Variants in RER1 observed in about 807,000 individuals in gnomAD.
The protein encoded by RER1 is retention in endoplasmic reticulum sorting receptor 1, also known as protein RER1.
A neutral mutation model predicts 28.3 loss-of-function variants in RER1; 6 were observed. The ratio of observed to expected loss-of-function variants is 0.21; its 90% CI spans 0.12 to 0.42. The LOEUF (loss-of-function observed/expected upper bound fraction) is 0.42, where lower values mean the gene tolerates loss of function less well. Among genes scored for constraint, RER1 ranks in the 10% least tolerant of loss-of-function variants. The pLI, the probability that RER1 is intolerant of heterozygous loss-of-function variation, is 1.00. For missense variants in RER1, 159 were observed against 252.9 expected (o/e 0.63, Z 2.52); for synonymous variants, 110 against 95.9 (o/e 1.15, Z -0.86).
At chr1:2,395,897 T>C (rs1557901345) in intron 2 of RER1, 26 bp downstream of exon 2, 2 of 1,538,988 alleles carry the variant, frequency 1.3e-6, no homozygotes, top group African/African-American at 1.4e-5. Flanking sequence ...AGTAGATGAG[T>C]ATAAATATTT....
rs775404235 is a variant in RER1, at chr1:2,404,039, C to G, written c.*915C>G. 3 of 152,246 alleles carry G rather than the reference C, an allele frequency of 2.0e-5. No individual in the cohort carries two copies. Among genetic ancestry groups the G allele is most frequent in the Non-Finnish European group, 4.4e-5 (3 of 68,052 alleles). 9.4% of individuals were successfully genotyped at this position (152,246 alleles called of 1,614,324 possible). A position where few individuals can be genotyped will look rare whatever the true frequency, so the allele number is the denominator to read the frequency against. On this transcript the variant is annotated 3_prime_UTR_variant, in exon 7 of 7. Transcript: ENST00000605895. ...ATGGCAGTCGCTGGACACAGGAAAG[C>G]CCACCTTTTGTTTGGCCTTTTCGAA... is the stretch of plus-strand genomic sequence containing the variant.
intron 3 of RER1, among the ~76,000 whole-genome samples, chr1:2,399,155 C>T (rs1557902689): frequency 6.6e-6 from 1 of 152,212 alleles, no homozygotes; most frequent in Non-Finnish European, 1.5e-5. Flanking sequence ...TCACATGTGT[C>T]TAACTGGACC....
At chr1:2,400,603 T>G (rs970674958) in intron 4 of RER1, among the ~76,000 whole-genome samples, 1 of 152,348 alleles carries the variant, frequency 6.6e-6, no homozygotes, top group Middle Eastern at 3.4e-3. Context: ...TCCTGGATGT[T>G]TATATGTGGT....
chr1:2,395,999 C>T (rs1642762737), intron 2 of RER1, 128 bp downstream of exon 2: 1 of 739,462 alleles, frequency 1.4e-6, no homozygotes, highest in Non-Finnish European at 2.4e-6. Context: ...CTCAAACTTC[C>T]TGAAGACAGC....
intron 1 of RER1, chr1:2,395,384 C>A: frequency 4.1e-6 from 1 of 243,660 alleles, no homozygotes; most frequent in Non-Finnish European, 8.2e-6. Flanking sequence ...GGTGCCTGGG[C>A]GGGGGAACCC....
intron 3 of RER1, 65 bp downstream of exon 3, chr1:2,397,285 G>T: frequency 9.7e-7 from 1 of 1,033,366 alleles, no homozygotes; most frequent in African/African-American, 1.6e-5. Context: ...ATGTTTGTGG[G>T]GATGTTGTTG....
intron 5 of RER1, 182 bp from the exon 6 acceptor site, chr1:2,402,025 G>A (rs1642870147): frequency 6.5e-7 from 1 of 1,539,708 alleles, no homozygotes; most frequent in African/African-American, 1.4e-5. Context: ...GGTTAGGGCA[G>A]TACATGTCTG....
intron 3 of RER1, among the ~76,000 whole-genome samples, chr1:2,397,542 A>G (rs1642786598): frequency 6.6e-6 from 1 of 150,908 alleles, no homozygotes. Context: ...TGCTCAGGAC[A>G]AGGTTGCGCT....
rs1200563118 is a variant in RER1, at chr1:2,399,396, CTCTT to C, written c.187-16_187-13del. The C allele has an allele frequency of 6.5e-7, 1 of 1,539,260 alleles. No homozygotes were observed. Among genetic ancestry groups the C allele is most frequent in the South Asian group, 1.1e-5 (1 of 89,502 alleles). Reference sequence around the variant, plus strand: ...GGACGGTCAGAGTGCACCACTGACTCTCTTTCCTTCTCTTTCAGGGTTGGTACAT... The same window carrying C: ...GGACGGTCAGAGTGCACCACTGACTCTCCTTCTCTTTCAGGGTTGGTACAT... On this transcript the variant is annotated splice_polypyrimidine_tract_variant and intron_variant, in intron 3 of 6. Transcript: ENST00000605895.
chr1:2,396,889 G>C (rs1266801638), intron 2 of RER1, among the ~76,000 whole-genome samples: 1 of 152,250 alleles, frequency 6.6e-6, no homozygotes, highest in Non-Finnish European at 1.5e-5. Flanking sequence ...TTTTGTAATA[G>C]TCTTGCTTAA....
intron 4 of RER1, among the ~76,000 whole-genome samples, 166 bp from the exon 5 acceptor site, chr1:2,400,691 G>A (rs1188631624): frequency 6.6e-6 from 1 of 152,202 alleles, no homozygotes; most frequent in East Asian, 1.9e-4. Context: ...TGAATTGGAT[G>A]TGTCAGTTGA....
At chr1:2,401,891 C>G in intron 5 of RER1, 1 of 775,426 alleles carries the variant, frequency 1.3e-6, no homozygotes. Context: ...GCCTGGGTTT[C>G]TCTCCAGATC....
At chr1:2,398,803 C>G (rs952658367) in intron 3 of RER1, among the ~76,000 whole-genome samples, 1 of 152,222 alleles carries the variant, frequency 6.6e-6, no homozygotes, top group Admixed American at 6.5e-5. Context: ...GGCATCTTGC[C>G]AAAATTCTCC....
intron 3 of RER1, among the ~76,000 whole-genome samples, chr1:2,397,659 G>A (rs1261833101): frequency 6.6e-6 from 1 of 152,178 alleles, no homozygotes; most frequent in Non-Finnish European, 1.5e-5. Context: ...CCTTGTGTGA[G>A]GCCAAAGCAC....
chr1:2,397,061 G>C, intron 2 of RER1, 55 bp from the exon 3 acceptor site: 1 of 1,177,852 alleles, frequency 8.5e-7, no homozygotes. Flanking sequence ...TTGTGGCAGG[G>C]TCAGTACAGA....
At chr1:2,400,557 TTTC>T (rs1163540193) in intron 4 of RER1, among the ~76,000 whole-genome samples, 1 of 152,234 alleles carries the variant, frequency 6.6e-6, no homozygotes, top group Admixed American at 6.5e-5. Flanking sequence ...TTGCCTTTGT[TTTC>T]TTCTGTGCCT....
chr1:2,398,682 C>G (rs1043670581), intron 3 of RER1, among the ~76,000 whole-genome samples: 28 of 152,388 alleles, frequency 1.8e-4, no homozygotes, highest in African/African-American at 6.5e-4. Flanking sequence ...AGCCACCACA[C>G]CCGACAGAAA....
At chr1:2,397,955 T>C (rs1642792330) in intron 3 of RER1, among the ~76,000 whole-genome samples, 1 of 152,108 alleles carries the variant, frequency 6.6e-6, no homozygotes, top group South Asian at 2.1e-4. Context: ...TAGAAGATAC[T>C]TCCTTGTTTA....
chr1:2,399,920 T>C (rs1570081206), intron 4 of RER1, among the ~76,000 whole-genome samples: 1 of 152,206 alleles, frequency 6.6e-6, no homozygotes, highest in South Asian at 2.1e-4. Flanking sequence ...CACAGGCAGC[T>C]CACTGTGGTG....
Sources: gnomAD v4.1 joint callset for allele counts (sites outside exome capture counted in the v4.1 genomes callset) on GRCh38, gnomAD v4.1.1 for gene constraint, MANE v1.5 for transcripts, NCBI Gene and HGNC (gene_info 2026-07-23, HGNC 2026-07-21) for gene names.